Variants in SBF2 observed in about 807,000 individuals in gnomAD.
The protein encoded by SBF2 is myotubularin-related protein 13.
Under a neutral mutation model 225.2 loss-of-function variants are expected in SBF2, and 112 were observed. That is an observed-to-expected ratio of 0.50 (90% CI 0.43 to 0.58). The LOEUF (loss-of-function observed/expected upper bound fraction) is 0.58. Among genes scored for constraint, SBF2 ranks in the 20% least tolerant of loss-of-function variants. The pLI, the probability that SBF2 is intolerant of heterozygous loss-of-function variation, is 0.00. For missense variants in SBF2, 1,996 were observed against 2,206.2 expected (o/e 0.90, Z 1.91); for synonymous variants, 763 against 773.3 (o/e 0.99, Z 0.22).
rs1392928884 is a variant in SBF2 at position 10,303,948 on chromosome 11, T to C, written n.386+544A>G. On this transcript the variant is annotated intron_variant and non_coding_transcript_variant, in intron 1 of 5. Transcript: ENST00000685217. This position sits in a 1 kb window ranked among gnomAD's most constrained non-coding sequence, Gnocchi z 5.2. ...TTGGGCGGGGGCTAGGACTCTCCTTTGCCCCTTGAGAAGTTGGTGACCCCA... is the reference window on the plus strand; with the variant it reads ...TTGGGCGGGGGCTAGGACTCTCCTTCGCCCCTTGAGAAGTTGGTGACCCCA... 6.6e-6 allele frequency among the ~76,000 whole-genome samples: 1 copy of C among 152,146 alleles called. No homozygotes were observed. The highest frequency in any genetic ancestry group is 1.5e-5 in the Non-Finnish European group (1 of 68,022).
At chr11:9,929,645 C>G (rs1412954572) in intron 16 of SBF2, among the ~76,000 whole-genome samples, 2 of 152,280 alleles carry the variant, frequency 1.3e-5, no homozygotes, top group East Asian at 3.9e-4. Context: ...CATGACAATG[C>G]ATGTCACACA....
At chr11:9,898,711 C>A (rs1301365738) in intron 16 of SBF2, among the ~76,000 whole-genome samples, 1 of 152,092 alleles carries the variant, frequency 6.6e-6, no homozygotes, top group Non-Finnish European at 1.5e-5. Context: ...AGTAAAAAGT[C>A]ATTCTCATAT....
At position 9,832,275 on chromosome 11, in the gene SBF2, G is replaced by T; in HGVS notation, c.3601C>A (p.His1201Asn). The T allele has an allele frequency of 6.2e-7, 1 of 1,614,164 alleles. No individual in the cohort carries two copies. The highest frequency in any genetic ancestry group is 8.5e-7 in the Non-Finnish European group (1 of 1,180,008). ...GTLLLRSGGF[H>N]GKGVVGLFKS... ...AAAAGACCAACGACTCCCTTCCCAT[G>T]GAATCCTCCAGATCGGAGGAGCAGA... is the stretch of plus-strand genomic sequence containing the variant. Residue 1201 changes from histidine to asparagine, a missense_variant, in exon 27 of 40, where the codon CAT becomes AAT. By Grantham distance (68) the His-to-Asn change is moderately conservative (BLOSUM62 1). Transcript: ENST00000256190.
intron 1 of SBF2, among the ~76,000 whole-genome samples, chr11:10,208,803 C>T (rs941893887): frequency 2.0e-5 from 3 of 152,038 alleles, no homozygotes; most frequent in Non-Finnish European, 2.9e-5. Flanking sequence ...ATCTATAAAA[C>T]ATTGATCCTT....
At chr11:10,040,481 A>T (rs1949611072) in intron 3 of SBF2, among the ~76,000 whole-genome samples, 2 of 151,998 alleles carry the variant, frequency 1.3e-5, no homozygotes, top group African/African-American at 4.8e-5. Context: ...AGGCAGCACA[A>T]GTATTCCAGA....
chr11:10,069,279 T>C (rs190483262), intron 2 of SBF2, among the ~76,000 whole-genome samples: 2,155 of 152,056 alleles, frequency 0.014, 54 homozygotes, highest in African/African-American at 0.049. Context: ...TCATCATTTA[T>C]ATTAGGTATT....
chr11:10,096,624 A>G (rs1290593898), intron 2 of SBF2, among the ~76,000 whole-genome samples: 2 of 152,112 alleles, frequency 1.3e-5, no homozygotes, highest in Non-Finnish European at 1.5e-5. Context: ...AAATAACAGA[A>G]CTGCTCAAGG....
chr11:10,202,568 G>A (rs1267332601), intron 1 of SBF2, among the ~76,000 whole-genome samples: 7 of 152,262 alleles, frequency 4.6e-5, no homozygotes, highest in South Asian at 2.1e-4. Context: ...GGTGGATCAC[G>A]AGGTCAGGAG....
chr11:9,874,841 C>T (rs1031057458), intron 17 of SBF2, among the ~76,000 whole-genome samples: 1 of 152,168 alleles, frequency 6.6e-6, no homozygotes, highest in Non-Finnish European at 1.5e-5. Flanking sequence ...CTTGCATGTA[C>T]ATCTGCTAAA....
chr11:10,073,507 G>A (rs1950974345), intron 2 of SBF2, among the ~76,000 whole-genome samples: 1 of 152,268 alleles, frequency 6.6e-6, no homozygotes, highest in South Asian at 2.1e-4. Flanking sequence ...GAGGTCAGGA[G>A]TTTGAGACCA....
chr11:9,988,196 A>C (rs1947275946), intron 13 of SBF2, among the ~76,000 whole-genome samples: 1 of 152,200 alleles, frequency 6.6e-6, no homozygotes, highest in Non-Finnish European at 1.5e-5. Context: ...GTGCTGGGAT[A>C]ATTGGTTAGC....
At chr11:9,795,684 G>T in intron 33 of SBF2, 147 bp downstream of exon 33, 2 of 901,590 alleles carry the variant, frequency 2.2e-6, no homozygotes, top group African/African-American at 1.7e-5. Flanking sequence ...TCAGAATTTG[G>T]CCACTTATCC....
intron 1 of SBF2, among the ~76,000 whole-genome samples, chr11:10,259,212 T>A (rs1443458353): frequency 1.3e-5 from 2 of 152,206 alleles, no homozygotes; most frequent in East Asian, 3.8e-4. Context: ...GCACAGGTTG[T>A]AGAGTTAGAA....
intron 33 of SBF2, among the ~76,000 whole-genome samples, chr11:9,794,196 CAA>C (rs1377218862): frequency 2.6e-5 from 4 of 151,746 alleles, no homozygotes; most frequent in Non-Finnish European, 4.4e-5. Flanking sequence ...CAAAACAAAA[CAA>C]AACAAAATAC....
intron 2 of SBF2, among the ~76,000 whole-genome samples, chr11:10,146,235 T>C (rs1954877846): frequency 1.3e-5 from 2 of 152,128 alleles, no homozygotes; most frequent in Non-Finnish European, 2.9e-5. Context: ...AAAATTCATA[T>C]GGAACCAAAA....
chr11:9,921,073 T>C (rs2134224151), intron 16 of SBF2, among the ~76,000 whole-genome samples: 1 of 147,644 alleles, frequency 6.8e-6, no homozygotes, highest in Non-Finnish European at 1.5e-5. Flanking sequence ...TCTTTTTTTT[T>C]TTTTTTTTTT....
intron 17 of SBF2, among the ~76,000 whole-genome samples, chr11:9,891,223 T>C (rs1860785719): frequency 6.6e-6 from 1 of 152,132 alleles, no homozygotes; most frequent in South Asian, 2.1e-4. Flanking sequence ...GAAGGAATAA[T>C]ACAAAAGTAT....
chr11:10,186,235 C>G (rs78101586), intron 2 of SBF2, among the ~76,000 whole-genome samples: 1 of 152,146 alleles, frequency 6.6e-6, no homozygotes, highest in East Asian at 1.9e-4. Context: ...ACCACTTTCA[C>G]AAGACATTAG....
At chr11:9,870,487 G>T (rs1191496257) in intron 17 of SBF2, among the ~76,000 whole-genome samples, 2 of 152,156 alleles carry the variant, frequency 1.3e-5, no homozygotes, top group African/African-American at 2.4e-5. Context: ...AAACAGCATG[G>T]TATTGGTACC....
Sources: allele counts gnomAD v4.1 joint callset (sites outside exome capture counted in the v4.1 genomes callset), GRCh38; gene constraint gnomAD v4.1.1; non-coding constraint Gnocchi (gnomAD v3.1); transcripts MANE v1.5; gene names NCBI Gene and HGNC (gene_info 2026-07-23, HGNC 2026-07-21).